SMAP1: variants seen among roughly 807,000 people sequenced by gnomAD.
The protein encoded by SMAP1 is stromal membrane-associated protein 1.
Under a neutral mutation model 58.5 loss-of-function variants are expected in SMAP1, and 24 were observed. That is an observed-to-expected ratio of 0.41 (90% CI 0.30 to 0.58). The LOEUF (loss-of-function observed/expected upper bound fraction) is 0.58, where lower values mean the gene tolerates loss of function less well. Among genes scored for constraint, SMAP1 ranks in the 20% least tolerant of loss-of-function variants. The pLI, the probability that SMAP1 is intolerant of heterozygous loss-of-function variation, is 0.29. For synonymous variants in SMAP1, 216 were observed against 196.6 expected, an observed-to-expected ratio of 1.10 and a Z score of -0.82; for missense variants, 563 against 566.3, an observed-to-expected ratio of 0.99 and a Z score of 0.06.
chr6:70,822,236 T>C (rs559490834), intron 6 of SMAP1, among the ~76,000 whole-genome samples: 1 of 152,170 alleles, frequency 6.6e-6, no homozygotes, highest in Non-Finnish European at 1.5e-5. Context: ...TCATTGAAGG[T>C]AATAAAAATA....
intron 2 of SMAP1, among the ~76,000 whole-genome samples, chr6:70,742,908 G>A (rs1765876029): frequency 6.6e-6 from 1 of 152,132 alleles, no homozygotes; most frequent in South Asian, 2.1e-4. Flanking sequence ...CAGGTCTTGT[G>A]AGACATATTT....
chr6:70,772,722 C>T (rs1767382677), intron 3 of SMAP1, among the ~76,000 whole-genome samples: 1 of 152,218 alleles, frequency 6.6e-6, no homozygotes, highest in African/African-American at 2.4e-5. Context: ...ATCATCTTGA[C>T]TTTTCCATTT....
intron 1 of SMAP1, among the ~76,000 whole-genome samples, chr6:70,690,967 C>T (rs960106435): frequency 1.3e-5 from 2 of 151,844 alleles, no homozygotes; most frequent in East Asian, 3.9e-4. Flanking sequence ...GCTATCTGGG[C>T]CTTGAGTTTT....
intron 2 of SMAP1, among the ~76,000 whole-genome samples, chr6:70,741,648 T>C (rs1293574492): frequency 6.6e-6 from 1 of 152,186 alleles, no homozygotes; most frequent in East Asian, 1.9e-4. Flanking sequence ...GTCTGGAGGA[T>C]GGTGACCCTC....
chr6:70,673,514 G>A (rs1418521316), intron 1 of SMAP1, among the ~76,000 whole-genome samples: 1 of 152,144 alleles, frequency 6.6e-6, no homozygotes, highest in Non-Finnish European at 1.5e-5. Flanking sequence ...CAATCCAAGA[G>A]TTCATGTTTT....
chr6:70,721,375 T>G (rs1384392272), intron 1 of SMAP1, among the ~76,000 whole-genome samples: 1 of 152,098 alleles, frequency 6.6e-6, no homozygotes, highest in Non-Finnish European at 1.5e-5. Context: ...GTCACCTTAC[T>G]CCAGTTCCCA....
intron 1 of SMAP1, among the ~76,000 whole-genome samples, chr6:70,678,384 A>G (rs889969461): frequency 2.6e-5 from 4 of 152,228 alleles, no homozygotes; most frequent in South Asian, 2.1e-4. Flanking sequence ...ATCTTCCATT[A>G]TAGGAAAAAT....
At chr6:70,742,036 G>A (rs1247670846) in intron 2 of SMAP1, among the ~76,000 whole-genome samples, 2 of 152,198 alleles carry the variant, frequency 1.3e-5, no homozygotes, top group Non-Finnish European at 2.9e-5. Context: ...GCCCACAAAA[G>A]CATTTCTTCC....
At chr6:70,671,769 A>C (rs1176591460) in intron 1 of SMAP1, among the ~76,000 whole-genome samples, 3 of 152,202 alleles carry the variant, frequency 2.0e-5, no homozygotes, top group Non-Finnish European at 1.5e-5. Context: ...ATATGTTTTC[A>C]AAGTTCATTC....
intron 1 of SMAP1, among the ~76,000 whole-genome samples, chr6:70,722,306 T>A (rs1768564265): frequency 6.6e-6 from 1 of 152,150 alleles, no homozygotes; most frequent in Non-Finnish European, 1.5e-5. Flanking sequence ...AGAGAGCAAA[T>A]TATTTTTGTT....
At chr6:70,825,451 A>G (rs1388559667) in intron 6 of SMAP1, among the ~76,000 whole-genome samples, 1 of 152,188 alleles carries the variant, frequency 6.6e-6, no homozygotes, top group African/African-American at 2.4e-5. Context: ...GCAAACCTCC[A>G]GAATACTGTG....
At chr6:70,746,575 A>C (rs1766051473) in intron 2 of SMAP1, among the ~76,000 whole-genome samples, 1 of 152,090 alleles carries the variant, frequency 6.6e-6, no homozygotes, top group South Asian at 2.1e-4. Context: ...TCGGTTTTCC[A>C]GTATCTTATT....
intron 1 of SMAP1, among the ~76,000 whole-genome samples, chr6:70,688,290 G>A (rs1416741011): frequency 6.6e-6 from 1 of 152,080 alleles, no homozygotes; most frequent in African/African-American, 2.4e-5. Flanking sequence ...TTGTGTGGAT[G>A]TAGGTTTTTA....
intron 7 of SMAP1, among the ~76,000 whole-genome samples, chr6:70,839,865 C>G (rs1770734984): frequency 6.6e-6 from 1 of 152,010 alleles, no homozygotes; most frequent in African/African-American, 2.4e-5. Flanking sequence ...TCGATGAATT[C>G]ATGAAAGTCC....
intron 8 of SMAP1, among the ~76,000 whole-genome samples, 194 bp downstream of exon 8, chr6:70,852,858 C>T (rs367985027): frequency 6.6e-6 from 1 of 152,194 alleles, no homozygotes; most frequent in Non-Finnish European, 1.5e-5. Context: ...ACAGCCACTC[C>T]CACTGGTTTA....
chr6:70,805,447 A>G (rs1769081837), intron 6 of SMAP1, among the ~76,000 whole-genome samples: 1 of 152,102 alleles, frequency 6.6e-6, no homozygotes, highest in Admixed American at 6.6e-5. Flanking sequence ...GGGTTAGAAC[A>G]TGTTCCATTA....
intron 4 of SMAP1, among the ~76,000 whole-genome samples, chr6:70,788,218 C>G (rs1582188951): frequency 6.8e-6 from 1 of 145,998 alleles, no homozygotes; most frequent in Admixed American, 7.2e-5. Flanking sequence ...CGAAACACCA[C>G]ATGTTCTCAC....
intron 1 of SMAP1, among the ~76,000 whole-genome samples, chr6:70,690,851 T>TCCC (rs1554189902): frequency 3.3e-5 from 5 of 151,788 alleles, no homozygotes. Context: ...ATTCTCCTCC[T>TCCC]CCCCCTTCCC....
intron 2 of SMAP1, among the ~76,000 whole-genome samples, chr6:70,750,563 CAT>C (rs766933207): frequency 6.6e-6 from 1 of 152,256 alleles, no homozygotes; most frequent in Non-Finnish European, 1.5e-5. Context: ...AGAAATGTTT[CAT>C]ATACATTAGA....
Sources: allele counts gnomAD v4.1 joint callset (sites outside exome capture counted in the v4.1 genomes callset), GRCh38; gene constraint gnomAD v4.1.1; transcripts MANE v1.5; gene names NCBI Gene and HGNC (gene_info 2026-07-23, HGNC 2026-07-21).